Variants in ST8SIA1 observed in about 807,000 individuals in gnomAD.
The protein encoded by ST8SIA1 is alpha-N-acetylneuraminide alpha-2,8-sialyltransferase.
Under a neutral mutation model 35.9 loss-of-function variants are expected in ST8SIA1, and 16 were observed. The observed-to-expected ratio is 0.45, with a 90% CI of 0.30 to 0.68. ST8SIA1 has a LOEUF of 0.68. ST8SIA1 is among the 30% of genes least tolerant of loss of function. The probability of loss-of-function intolerance (pLI) is 0.09; values close to 1 mark genes in which losing one functional copy is unlikely to be tolerated. For missense variants in ST8SIA1, 383 were observed against 453.6 expected, an observed-to-expected ratio of 0.84 and a Z score of 1.41; for synonymous variants, 170 against 169.6, an observed-to-expected ratio of 1.00 and a Z score of -0.02.
chr12:22,289,386 C>A (rs1030979765), intron 1 of ST8SIA1, among the ~76,000 whole-genome samples: 1 of 152,122 alleles, frequency 6.6e-6, no homozygotes, highest in African/African-American at 2.4e-5. Flanking sequence ...CAGGGCAGAA[C>A]AGGAAGCCAG....
chr12:22,323,110 G>A (rs2728827), intron 1 of ST8SIA1, among the ~76,000 whole-genome samples: 86,555 of 151,984 alleles, frequency 0.57, 25,976 homozygotes, highest in African/African-American at 0.77. Context: ...ATAAAAGCAC[G>A]TGTACCACTG....
At chr12:22,292,568 C>A (rs1350814522) in intron 1 of ST8SIA1, among the ~76,000 whole-genome samples, 1 of 130,390 alleles carries the variant, frequency 7.7e-6, no homozygotes, top group African/African-American at 3.5e-5. Flanking sequence ...TATTATGCAG[C>A]CATAAAAAGG....
chr12:22,210,462 C>T (rs1278137305), intron 4 of ST8SIA1, among the ~76,000 whole-genome samples: 1 of 152,066 alleles, frequency 6.6e-6, no homozygotes, highest in Non-Finnish European at 1.5e-5. Flanking sequence ...GTTTTTTCCC[C>T]CACACATCAA....
At chr12:22,231,634 T>C (rs941541349) in intron 4 of ST8SIA1, among the ~76,000 whole-genome samples, 4 of 152,108 alleles carry the variant, frequency 2.6e-5, no homozygotes, top group African/African-American at 4.8e-5. Flanking sequence ...AGTGCAGTGG[T>C]GCGATCTTGG....
intron 2 of ST8SIA1, among the ~76,000 whole-genome samples, chr12:22,269,977 G>C (rs11615329): frequency 0.11 from 16,384 of 152,174 alleles, 1,132 homozygotes; most frequent in Middle Eastern, 0.24. Context: ...GTCTCCATCC[G>C]TTTCCAAGGA....
chr12:22,249,169 T>C (rs957260839), intron 3 of ST8SIA1, 71 bp from the exon 4 acceptor site: 77 of 1,009,406 alleles, frequency 7.6e-5, no homozygotes, highest in Admixed American at 2.5e-4. Context: ...ATAATACAAA[T>C]AGAAATGTTA....
chr12:22,272,569 G>A (rs1224043604), intron 2 of ST8SIA1, among the ~76,000 whole-genome samples: 1 of 152,234 alleles, frequency 6.6e-6, no homozygotes, highest in African/African-American at 2.4e-5. Context: ...TCCTCCAGCA[G>A]CTGGGCCAAG....
At position 22,193,558 on chromosome 12, in the gene ST8SIA1, T is replaced by G. The variant is rs1864948784; in HGVS notation, c.*7994A>C. 1 of 152,174 alleles carries G rather than the reference T, an allele frequency of 6.6e-6. No homozygotes were observed. The highest frequency in any genetic ancestry group is 2.4e-5 in the African/African-American group (1 of 41,446). The allele number at this position is 152,174 out of a possible 1,614,324, so 9.4% of individuals were successfully genotyped here. ...CAAACCTCCTCCTATGACATTGCAT[T>G]TAGATTCGGTGGAAAGAAGCAAGTC... On this transcript the variant is annotated 3_prime_UTR_variant, in exon 5 of 5. Coordinates refer to ENST00000396037, the MANE Select transcript of ST8SIA1 (RefSeq NM_003034.4).
chr12:22,204,873 T>A (rs2120616403), intron 4 of ST8SIA1, among the ~76,000 whole-genome samples: 1 of 152,324 alleles, frequency 6.6e-6, no homozygotes, highest in Non-Finnish European at 1.5e-5. Flanking sequence ...ATGGGGTTGG[T>A]ATTGAATTTT....
At chr12:22,246,377 C>T (rs919600029) in intron 4 of ST8SIA1, among the ~76,000 whole-genome samples, 3 of 152,102 alleles carry the variant, frequency 2.0e-5, no homozygotes, top group Admixed American at 2.0e-4. Flanking sequence ...CCTTGTGCGA[C>T]ACATGGATTT....
chr12:22,320,839 AAGAAAGAG>A (rs1866577455), intron 1 of ST8SIA1, among the ~76,000 whole-genome samples: 1 of 150,066 alleles, frequency 6.7e-6, no homozygotes, highest in Non-Finnish European at 1.5e-5. Context: ...AAGAAAAGAA[AAGAAAGAG>A]AGAGAGAAGA....
At chr12:22,306,462 C>G (rs1354011437) in intron 1 of ST8SIA1, among the ~76,000 whole-genome samples, 1 of 152,114 alleles carries the variant, frequency 6.6e-6, no homozygotes, top group Admixed American at 6.5e-5. Context: ...GATGTTGAAA[C>G]CACTTCCTAG....
At chr12:22,256,680 A>G (rs1865731536) in intron 2 of ST8SIA1, among the ~76,000 whole-genome samples, 1 of 152,226 alleles carries the variant, frequency 6.6e-6, no homozygotes, top group Admixed American at 6.5e-5. Context: ...AATGCAGCAT[A>G]AGAAGAGGAT....
chr12:22,204,876 T>TCAATA (rs2120616424), intron 4 of ST8SIA1, among the ~76,000 whole-genome samples: 1 of 152,344 alleles, frequency 6.6e-6, no homozygotes, highest in Non-Finnish European at 1.5e-5. Flanking sequence ...GGGTTGGTAT[T>TCAATA]GAATTTTATT....
rs1023327506 is a variant in ST8SIA1 at position 22,198,164 on chromosome 12, A to G, written c.*3388T>C. 1.3e-5 allele frequency: 2 copies of G among 152,116 alleles called. No individual in the cohort carries two copies. The highest frequency in any genetic ancestry group is 2.4e-5 in the African/African-American group (1 of 41,430). 9.4% of individuals were successfully genotyped at this position (152,116 alleles called of 1,614,324 possible). On this transcript the variant is annotated 3_prime_UTR_variant, in exon 5 of 5. Coordinates refer to ENST00000396037, the MANE Select transcript of ST8SIA1 (RefSeq NM_003034.4). ...TCTCTTCACCCTTCCTTTTGCCCCT[A>G]TGGATCAGCCTAATTTTTATGACTA... is the stretch of plus-strand genomic sequence containing the variant.
intron 4 of ST8SIA1, among the ~76,000 whole-genome samples, chr12:22,232,104 C>A (rs1464957321): frequency 6.6e-6 from 1 of 152,120 alleles, no homozygotes; most frequent in Non-Finnish European, 1.5e-5. Context: ...CTAGTGCCCC[C>A]AGTCAGAAAC....
chr12:22,236,299 G>A (rs1865475347), intron 4 of ST8SIA1, among the ~76,000 whole-genome samples: 1 of 152,106 alleles, frequency 6.6e-6, no homozygotes, highest in African/African-American at 2.4e-5. Context: ...TATACAGACA[G>A]CACACCTTCA....
intron 2 of ST8SIA1, among the ~76,000 whole-genome samples, chr12:22,275,937 T>C (rs749179276): frequency 3.3e-5 from 5 of 152,214 alleles, no homozygotes; most frequent in Non-Finnish European, 5.9e-5. Flanking sequence ...CTGCCTGAGC[T>C]CTTCTGTAGC....
At chr12:22,315,628 G>T (rs966676863) in intron 1 of ST8SIA1, among the ~76,000 whole-genome samples, 3 of 151,924 alleles carry the variant, frequency 2.0e-5, no homozygotes, top group African/African-American at 7.3e-5. Context: ...TTCAAACCGA[G>T]AACCTATAGT....
Sources: allele counts gnomAD v4.1 joint callset (sites outside exome capture counted in the v4.1 genomes callset), GRCh38; gene constraint gnomAD v4.1.1; transcripts MANE v1.5; gene names NCBI Gene and HGNC (gene_info 2026-07-23, HGNC 2026-07-21).